Variants in ROBO2 observed in about 807,000 individuals in gnomAD.
ROBO2 encodes the protein roundabout homolog 2.
Under a neutral mutation model 160.8 loss-of-function variants are expected in ROBO2, and 53 were observed. That is an observed-to-expected ratio of 0.33 (90% confidence interval 0.26 to 0.41). ROBO2 has a LOEUF of 0.41. Among genes scored for constraint, ROBO2 ranks in the 10% least tolerant of loss-of-function variants. ROBO2 has a pLI of 1.00. For missense variants in ROBO2, 1,577 were observed against 1,722.4 expected (o/e 0.92, Z 1.49); for synonymous variants, 664 against 611.7 (o/e 1.09, Z -1.26).
intron 2 of ROBO2, among the ~76,000 whole-genome samples, chr3:76,142,202 C>T (rs770714762): frequency 1.1e-4 from 16 of 151,872 alleles, no homozygotes; most frequent in Admixed American, 4.6e-4. Context: ...TCAATTGTTT[C>T]GGGTACACTT....
chr3:76,146,331 T>G (rs2071886810), intron 2 of ROBO2, among the ~76,000 whole-genome samples: 1 of 152,140 alleles, frequency 6.6e-6, no homozygotes, highest in South Asian at 2.1e-4. Context: ...ATTTAATTGT[T>G]TCTCCTTAAA....
intron 2 of ROBO2, among the ~76,000 whole-genome samples, chr3:76,548,725 C>T (rs2083254018): frequency 6.6e-6 from 1 of 151,436 alleles, no homozygotes; most frequent in Non-Finnish European, 1.5e-5. Flanking sequence ...ATTTCTCCAC[C>T]ATAGCCAAAA....
At chr3:75,933,898 G>T (rs1947652726) in intron 1 of ROBO2, among the ~76,000 whole-genome samples, 1 of 152,076 alleles carries the variant, frequency 6.6e-6, no homozygotes, top group Non-Finnish European at 1.5e-5. Context: ...ACCCTTCCTG[G>T]TTGGTACCTG....
intron 2 of ROBO2, among the ~76,000 whole-genome samples, chr3:76,888,309 T>C (rs1376810337): frequency 6.6e-6 from 1 of 152,088 alleles, no homozygotes; most frequent in African/African-American, 2.4e-5. Flanking sequence ...CAGAGGCTGC[T>C]GTGAGCCGAA....
chr3:77,394,362 A>G (rs772932389), intron 2 of ROBO2, among the ~76,000 whole-genome samples: 89 of 152,276 alleles, frequency 5.8e-4, no homozygotes, highest in Middle Eastern at 3.4e-3. Flanking sequence ...TGAAGTGAAA[A>G]GAAAACTCTC....
intron 1 of ROBO2, among the ~76,000 whole-genome samples, chr3:77,095,705 A>C (rs916279035): frequency 1.3e-5 from 2 of 152,190 alleles, no homozygotes; most frequent in Non-Finnish European, 2.9e-5. Context: ...CTTTACATTG[A>C]GAATATGTTT....
rs1022595858 is a variant in ROBO2, at chr3:77,612,535, A to G, written c.3293+4581A>G. Among the ~76,000 whole-genome samples, 5 of 151,876 alleles carry G rather than the reference A, an allele frequency of 3.3e-5. No individual in the cohort carries two copies. In the East Asian group the frequency reaches 9.7e-4, roughly 29 times the overall value. ...TTTTCCATTTTTCCTCTTTTGGTAC[A>G]TGGTAGGTAGATGGATCTGTGGACA... On this transcript the variant is annotated intron_variant, in intron 21 of 25. Coordinates refer to ENST00000461745, the Ensembl canonical transcript of ROBO2.
chr3:76,013,692 G>T (rs948217752), intron 2 of ROBO2, among the ~76,000 whole-genome samples: 5 of 151,424 alleles, frequency 3.3e-5, no homozygotes, highest in Non-Finnish European at 7.4e-5. Context: ...GCAATTGGCG[G>T]CTGGGTACAG....
intron 2 of ROBO2, among the ~76,000 whole-genome samples, chr3:77,287,354 C>G (rs1481849205): frequency 6.6e-6 from 1 of 152,128 alleles, no homozygotes; most frequent in Non-Finnish European, 1.5e-5. Flanking sequence ...AATTCAGCTA[C>G]AGGAATTATT....
chr3:77,189,414 T>C (rs985157729), intron 2 of ROBO2, among the ~76,000 whole-genome samples: 5 of 151,928 alleles, frequency 3.3e-5, no homozygotes, highest in African/African-American at 9.7e-5. Context: ...TCATATGTCA[T>C]GATAACTGTT....
At chr3:76,042,564 CATATTGTTTT>C (rs1302759569) in intron 2 of ROBO2, among the ~76,000 whole-genome samples, 10 of 151,964 alleles carry the variant, frequency 6.6e-5, no homozygotes, top group Non-Finnish European at 1.2e-4. Flanking sequence ...GAGACCCTCT[CATATTGTTTT>C]ATATTGTTTT....
intron 2 of ROBO2, among the ~76,000 whole-genome samples, chr3:77,291,035 T>G (rs1178388123): frequency 1.3e-5 from 2 of 148,880 alleles, no homozygotes; most frequent in African/African-American, 2.5e-5. Flanking sequence ...GAAGTAAAAT[T>G]GATGGTTAAA....
chr3:76,576,048 T>C (rs892561803), intron 2 of ROBO2, among the ~76,000 whole-genome samples: 4 of 152,136 alleles, frequency 2.6e-5, no homozygotes, highest in African/African-American at 9.7e-5. Flanking sequence ...TAGGGGAATC[T>C]GATTGGAATT....
chr3:77,389,912 G>A (rs2074542107), intron 2 of ROBO2, among the ~76,000 whole-genome samples: 1 of 152,158 alleles, frequency 6.6e-6, no homozygotes, highest in South Asian at 2.1e-4. Flanking sequence ...CTGTGTGGAA[G>A]CCTAGGCTAC....
chr3:76,715,183 A>G (rs976889067), intron 2 of ROBO2, among the ~76,000 whole-genome samples: 3 of 152,264 alleles, frequency 2.0e-5, no homozygotes, highest in Admixed American at 1.3e-4. Flanking sequence ...CCACATTAAT[A>G]GGTGTTCCCA....
chr3:77,260,014 G>A (rs898514233), intron 2 of ROBO2, among the ~76,000 whole-genome samples: 1 of 152,254 alleles, frequency 6.6e-6, no homozygotes, highest in African/African-American at 2.4e-5. Flanking sequence ...GGGTCAGGCC[G>A]TTTATGAGCT....
At chr3:76,578,984 C>A (rs1403411168) in intron 2 of ROBO2, among the ~76,000 whole-genome samples, 1 of 152,102 alleles carries the variant, frequency 6.6e-6, no homozygotes, top group Non-Finnish European at 1.5e-5. Context: ...ACCATGCTAG[C>A]CAGGTGATTT....
chr3:77,182,713 A>G (rs1418943858), intron 2 of ROBO2, among the ~76,000 whole-genome samples: 3 of 152,050 alleles, frequency 2.0e-5, no homozygotes, highest in Non-Finnish European at 4.4e-5. Context: ...TGAAACTGCA[A>G]TGAGTTGGTG....
At chr3:77,137,060 G>A (rs1029662998) in intron 2 of ROBO2, among the ~76,000 whole-genome samples, 26 of 151,186 alleles carry the variant, frequency 1.7e-4, no homozygotes, top group Non-Finnish European at 2.7e-4. Flanking sequence ...CTGGGATTGC[G>A]GGTGTGAGCC....
Sources: gnomAD v4.1 joint callset for allele counts (sites outside exome capture counted in the v4.1 genomes callset) on GRCh38, gnomAD v4.1.1 for gene constraint, MANE v1.5 for transcripts, NCBI Gene and HGNC (gene_info 2026-07-23, HGNC 2026-07-21) for gene names.